The following COQ3 variants were observed in gnomAD, a reference collection of about 807,000 sequenced individuals.
COQ3 encodes the protein ubiquinone biosynthesis O-methyltransferase, mitochondrial.
A neutral mutation model predicts 33.1 loss-of-function variants in COQ3; 29 were observed. That is an observed-to-expected ratio of 0.88 (90% CI 0.65 to 1.19). COQ3 has a LOEUF of 1.19. Among genes scored for constraint, COQ3 ranks in the 50% most tolerant of loss-of-function variants. COQ3 has a pLI of 0.00. For missense variants in COQ3, 437 were observed against 430.7 expected (o/e 1.01, Z -0.13); for synonymous variants, 173 against 157.8 (o/e 1.10, Z -0.72).
intron 3 of COQ3, among the ~76,000 whole-genome samples, chr6:99,379,841 G>C (rs1050066809): frequency 3.3e-5 from 5 of 151,170 alleles, no homozygotes; most frequent in African/African-American, 7.3e-5. Context: ...GGTGACAAGA[G>C]CAAGACTCCA....
chr6:99,372,916 A>G (rs1042330191), intron 5 of COQ3, among the ~76,000 whole-genome samples: 9 of 152,230 alleles, frequency 5.9e-5, no homozygotes, highest in African/African-American at 2.2e-4. Flanking sequence ...GTTAGGAGAA[A>G]GAGATAATAT....
Position 99,394,189 on chromosome 6 carries a change from C to T in COQ3, c.-10G>A. On this transcript the variant is annotated 5_prime_UTR_variant, in exon 1 of 7. Coordinates refer to ENST00000254759, the MANE Select transcript of COQ3 (RefSeq NM_017421.4). ...TACGGCCACTCCACATCGCGACAAA[C>T]GATCCCACCTCTTTTCCGGTCCCTC... 1.3e-6 allele frequency: 2 copies of T among 1,565,064 alleles called. No homozygotes were observed. The highest frequency in any genetic ancestry group is 1.7e-6 in the Non-Finnish European group (2 of 1,155,128).
intron 5 of COQ3, among the ~76,000 whole-genome samples, chr6:99,375,264 A>G (rs1183808095): frequency 6.6e-6 from 1 of 152,036 alleles, no homozygotes; most frequent in Non-Finnish European, 1.5e-5. Context: ...CACTGTGCCC[A>G]GCCTCAAATC....
rs537119076 is a variant in COQ3, at chr6:99,392,423, C to T, written c.106+1651G>A. ...TTCATGTTGCTTCTTCAGTGATTTCCACTGTCCGCGGGATAGTCTACCTCA... is the reference window on the plus strand; with the variant it reads ...TTCATGTTGCTTCTTCAGTGATTTCTACTGTCCGCGGGATAGTCTACCTCA... On this transcript the variant is annotated intron_variant, in intron 1 of 6. Transcript: ENST00000254759. Among the ~76,000 whole-genome samples, 9 of 152,242 alleles carry T rather than the reference C, an allele frequency of 5.9e-5. No homozygotes were observed. In the South Asian group the frequency reaches 1.9e-3, roughly 32 times the overall value.
Position 99,371,563 on chromosome 6 carries a change from T to C in COQ3, c.754A>G (p.Thr252Ala). The change falls in exon 6 of 7, where the codon ACA (threonine) becomes GCA (alanine). Residue 252 changes from threonine (T) to alanine (A), a missense_variant. Thr to Ala is a moderately conservative substitution (Grantham distance 58, BLOSUM62 0). Transcript: ENST00000254759. ...TAGGAAAGTTGTGTTTTGTTGATTG[T>C]AGTAATGAATAAAGAACCACCGGGC... ...LKPGGSLFIT[T>A]INKTQLSYAL... is the part of the protein sequence containing the mutation. The C allele has an allele frequency of 1.9e-6, 3 of 1,600,254 alleles. No individual in the cohort carries two copies. Among genetic ancestry groups the C allele is most frequent in the Non-Finnish European group, 1.7e-6 (2 of 1,174,128 alleles).
chr6:99,373,739 C>T (rs534651251), intron 5 of COQ3, among the ~76,000 whole-genome samples: 1 of 152,168 alleles, frequency 6.6e-6, no homozygotes, highest in African/African-American at 2.4e-5. Context: ...CGCCTGTAAT[C>T]CTAGCACTTT....
At chr6:99,377,850 T>C (rs1028882823) in intron 3 of COQ3, among the ~76,000 whole-genome samples, 3 of 151,862 alleles carry the variant, frequency 2.0e-5, no homozygotes, top group African/African-American at 4.8e-5. Context: ...CAGCAGCAAA[T>C]AGGTTATTTT....
At chr6:99,382,454 T>A (rs576596624) in intron 2 of COQ3, among the ~76,000 whole-genome samples, 2 of 152,348 alleles carry the variant, frequency 1.3e-5, no homozygotes, top group East Asian at 3.9e-4. Flanking sequence ...CTTTTTATTC[T>A]TTTAAGATTC....
intron 2 of COQ3, among the ~76,000 whole-genome samples, chr6:99,381,917 C>G (rs1343136228): frequency 7.4e-6 from 1 of 135,442 alleles, no homozygotes; most frequent in Non-Finnish European, 1.5e-5. Flanking sequence ...AAGAGCAAGA[C>G]TCTGTCTCAA....
chr6:99,375,419 T>C (rs1391019946), intron 5 of COQ3, among the ~76,000 whole-genome samples: 2 of 151,462 alleles, frequency 1.3e-5, no homozygotes, highest in Non-Finnish European at 2.9e-5. Flanking sequence ...GGTCTCACTC[T>C]GTTGCCCAGG....
chr6:99,370,533 G>T (rs1405262535), intron 6 of COQ3, among the ~76,000 whole-genome samples: 1 of 151,656 alleles, frequency 6.6e-6, no homozygotes, highest in Non-Finnish European at 1.5e-5. Context: ...ATTTTTAGTA[G>T]AGACAGGGTT....
chr6:99,391,623 CT>C (rs1360165891), intron 1 of COQ3, among the ~76,000 whole-genome samples: 3 of 152,164 alleles, frequency 2.0e-5, no homozygotes, highest in Non-Finnish European at 4.4e-5. Context: ...ACAGACAACC[CT>C]TGATCTCTCT....
At position 99,373,983 on chromosome 6, in the gene COQ3, G is replaced by T. The variant is rs1774211809; in HGVS notation, c.729+1957C>A. On this transcript the variant is annotated intron_variant, in intron 5 of 6. Transcript: ENST00000254759. ...GATCTTGCCAGTACACTCCAGCCTG[G>T]GTGACAGAGTAAGACCTTGTCAAGA... is the stretch of plus-strand genomic sequence containing the variant. Among the ~76,000 whole-genome samples the T allele has an allele frequency of 8.5e-5, 13 of 152,064 alleles. 1 individual carries two copies. The highest frequency in any genetic ancestry group is 7.9e-4 in the Admixed American group (12 of 15,256).
intron 5 of COQ3, among the ~76,000 whole-genome samples, chr6:99,373,339 G>A (rs13191933): frequency 1.3e-4 from 19 of 151,994 alleles, no homozygotes; most frequent in Non-Finnish European, 2.1e-4. Flanking sequence ...GCTGAGGTGG[G>A]AGGATCACTT....
intron 1 of COQ3, 72 bp downstream of exon 1, chr6:99,394,002 C>G (rs1378217534): frequency 3.0e-6 from 4 of 1,324,158 alleles, no homozygotes; most frequent in Non-Finnish European, 4.3e-6. Flanking sequence ...ACCGCCCCAC[C>G]CCCGGCGCAT....
At chr6:99,384,888 A>T (rs1315233214) in intron 1 of COQ3, among the ~76,000 whole-genome samples, 1 of 152,194 alleles carries the variant, frequency 6.6e-6, no homozygotes, top group Non-Finnish European at 1.5e-5. Flanking sequence ...AAGCAAGCAG[A>T]TCACCTGAGG....
Position 99,370,344 on chromosome 6 carries a change from C to CTTTTTTTTTTTTT in COQ3, c.890-537_890-525dup. On this transcript the variant is annotated intron_variant, in intron 6 of 6. Transcript: ENST00000254759. Reference sequence around the variant, plus strand: ...TTCTTTCTTTCTTTTCTTTTCTTTACTTTTTTTTTTTTTTTTTTTTGTGAG... The same window carrying CTTTTTTTTTTTTT: ...TTCTTTCTTTCTTTTCTTTTCTTTACTTTTTTTTTTTTTTTTTTTTTTTTTTTTTTTTTGTGAG... 1.9e-3 allele frequency among the ~76,000 whole-genome samples: 193 copies of CTTTTTTTTTTTTT among 101,202 alleles called. 1 individual carries two copies. Among genetic ancestry groups the CTTTTTTTTTTTTT allele is most frequent in the Non-Finnish European group, 2.2e-3 (120 of 54,762 alleles). The allele number at this position is 101,202 out of a possible 152,430, so 66.4% of individuals were successfully genotyped here. A position where few individuals can be genotyped will look rare whatever the true frequency, so the allele number is the denominator to read the frequency against.
At chr6:99,391,313 A>G (rs976840531) in intron 1 of COQ3, among the ~76,000 whole-genome samples, 15 of 150,988 alleles carry the variant, frequency 9.9e-5, no homozygotes, top group Admixed American at 9.3e-4. Flanking sequence ...TATGTTGCCC[A>G]GGCTGGTTTC....
At chr6:99,381,187 C>T (rs1036949316) in intron 2 of COQ3, among the ~76,000 whole-genome samples, 5 of 152,184 alleles carry the variant, frequency 3.3e-5, no homozygotes, top group Non-Finnish European at 7.4e-5. Flanking sequence ...CTTGCCTGAA[C>T]TAGTGTCCTA....
Sources: gnomAD v4.1 joint callset for allele counts (sites outside exome capture counted in the v4.1 genomes callset) on GRCh38, gnomAD v4.1.1 for gene constraint, MANE v1.5 for transcripts, NCBI Gene and HGNC (gene_info 2026-07-23, HGNC 2026-07-21) for gene names.